BCAR3: variants seen among roughly 807,000 people sequenced by gnomAD.
The protein encoded by BCAR3 is BCAR3 adaptor protein, NSP family member.
A neutral mutation model predicts 80.1 loss-of-function variants in BCAR3; 37 were observed. That is an observed-to-expected ratio of 0.46 (90% CI 0.36 to 0.61). The LOEUF is 0.61. BCAR3 is among the 20% of genes least tolerant of loss of function. BCAR3 has a pLI of 0.00. For synonymous variants in BCAR3, 389 were observed against 418.9 expected, an observed-to-expected ratio of 0.93 and a Z score of 0.87; for missense variants, 978 against 1,068.2, an observed-to-expected ratio of 0.92 and a Z score of 1.18.
chr1:93,774,711 C>T (rs1156280236), intron 2 of BCAR3, among the ~76,000 whole-genome samples: 1 of 152,164 alleles, frequency 6.6e-6, no homozygotes, highest in Non-Finnish European at 1.5e-5. Flanking sequence ...ACTAAGCAGT[C>T]AATGAGGGAA....
intron 2 of BCAR3, among the ~76,000 whole-genome samples, chr1:93,724,241 T>TG (rs1173273168): frequency 6.6e-6 from 1 of 152,152 alleles, no homozygotes; most frequent in African/African-American, 2.4e-5. Context: ...GGGGGGTCCA[T>TG]GTCCAGCCTC....
chr1:93,698,358 C>T (rs1489938825), intron 3 of BCAR3, among the ~76,000 whole-genome samples: 1 of 152,202 alleles, frequency 6.6e-6, no homozygotes, highest in Non-Finnish European at 1.5e-5. Flanking sequence ...ACACTGGTAG[C>T]AGCCATGAGA....
chr1:93,568,333 A>G (rs1319866852), intron 9 of BCAR3, among the ~76,000 whole-genome samples: 1 of 152,212 alleles, frequency 6.6e-6, no homozygotes, highest in African/African-American at 2.4e-5. Flanking sequence ...CATTGCTGTT[A>G]GCGCATCCCA....
intron 2 of BCAR3, among the ~76,000 whole-genome samples, chr1:93,649,093 G>C (rs1338824279): frequency 6.6e-6 from 1 of 152,232 alleles, no homozygotes; most frequent in East Asian, 1.9e-4. Context: ...AGAAGACTGA[G>C]AACAAGGAGA....
In BCAR3 at chr1:93,748,831, G is replaced by A. The variant is rs142603610; in HGVS notation, c.-62-42689C>T. Among the ~76,000 whole-genome samples the A allele has an allele frequency of 1.4e-4, 21 of 152,234 alleles. No homozygotes were observed. In the East Asian group the frequency reaches 3.7e-3, roughly 27 times the overall value. On this transcript the variant is annotated intron_variant, in intron 2 of 13. Transcript: ENST00000370244. ...CTTGTTCATTGTGGACTGTGTGTATGTCTCAGCCCTCCAGCTAGATTGGGG... is the reference window on the plus strand; with the variant it reads ...CTTGTTCATTGTGGACTGTGTGTATATCTCAGCCCTCCAGCTAGATTGGGG...
At position 93,582,470 on chromosome 1, in the gene BCAR3, G is replaced by A. The variant is rs375604944; in HGVS notation, c.1517C>T (p.Thr506Met). ...GGAGGAGACAGTCTCCAGGAGGGGC[G>A]TCACAAACTCGCCCTTGTCCCACTG... ...KGQWDKGEFV[T>M]PLLETVSSFR... Residue 506 changes from threonine (T) to methionine (M), a missense_variant, in exon 7 of 12, where the codon ACG becomes ATG. Physicochemically the swap from Thr to Met is moderately conservative, Grantham distance 81. Coordinates refer to ENST00000260502, the MANE Select transcript of BCAR3 (RefSeq NM_003567.4). 130 of 1,614,062 alleles carry A rather than the reference G, an allele frequency of 8.1e-5. No homozygotes were observed. Among genetic ancestry groups the A allele is most frequent in the South Asian group, 4.6e-4 (42 of 91,088 alleles).
chr1:93,596,352 T>G (rs1674419164), intron 3 of BCAR3, among the ~76,000 whole-genome samples: 1 of 152,242 alleles, frequency 6.6e-6, no homozygotes. Context: ...AGGACATTGT[T>G]CAAATCCACC....
chr1:93,828,271 C>T, intron 2 of BCAR3, among the ~76,000 whole-genome samples: 1 of 151,934 alleles, frequency 6.6e-6, no homozygotes, highest in South Asian at 2.1e-4. Context: ...AACCACTGCC[C>T]TCCAGCCTGG....
chr1:93,730,274 C>A (rs1458708690), intron 2 of BCAR3, among the ~76,000 whole-genome samples: 2 of 152,200 alleles, frequency 1.3e-5, no homozygotes, highest in Non-Finnish European at 1.5e-5. Context: ...CCTTCACTGA[C>A]TCCCCTTACC....
chr1:93,801,384 T>G (rs1469646793), intron 2 of BCAR3, among the ~76,000 whole-genome samples: 1 of 152,248 alleles, frequency 6.6e-6, no homozygotes, highest in Non-Finnish European at 1.5e-5. Context: ...TGGTGCATTT[T>G]GACCACCTTG....
chr1:93,582,709 C>A lies in BCAR3; in HGVS notation c.1278G>T (p.Glu426Asp). Residue 426 changes from glutamate (E) to aspartate (D), a missense_variant, in exon 7 of 12, where the codon GAG (glutamate) becomes GAT (aspartate). Coordinates refer to ENST00000260502, the MANE Select transcript of BCAR3 (RefSeq NM_003567.4). ...CTGGGTTCAGTTCACAGTAGTTGGC[C>A]TCTGAGTTGAGCCAGGCAGAGGGAG... is the stretch of plus-strand genomic sequence containing the variant. Reference protein sequence around the residue: ...PSSPSAWLNSEANYCELNPAF... With the variant: ...PSSPSAWLNSDANYCELNPAF... The A allele has an allele frequency of 3.1e-6, 5 of 1,614,078 alleles. No homozygotes were observed. Among genetic ancestry groups the A allele is most frequent in the Non-Finnish European group, 4.2e-6 (5 of 1,180,018 alleles).
intron 2 of BCAR3, among the ~76,000 whole-genome samples, chr1:93,709,659 G>A (rs959096641): frequency 5.9e-5 from 9 of 152,296 alleles, no homozygotes; most frequent in Non-Finnish European, 7.4e-5. Flanking sequence ...AGGAGGGAGG[G>A]GAATATCTCC....
At chr1:93,677,007 C>T (rs1648517006) in intron 1 of BCAR3, among the ~76,000 whole-genome samples, 1 of 152,206 alleles carries the variant, frequency 6.6e-6, no homozygotes, top group African/African-American at 2.4e-5. Flanking sequence ...TCTCCAATAA[C>T]AAGGGATGTT....
chr1:93,722,096 A>C (rs1293436312), intron 2 of BCAR3, among the ~76,000 whole-genome samples: 1 of 152,188 alleles, frequency 6.6e-6, no homozygotes, highest in East Asian at 1.9e-4. Context: ...GCAGCTCTCC[A>C]CAGTCTCGGC....
At chr1:93,838,053 A>C (rs534487050) in intron 2 of BCAR3, among the ~76,000 whole-genome samples, 1 of 152,340 alleles carries the variant, frequency 6.6e-6, no homozygotes, top group East Asian at 1.9e-4. Context: ...TTGGCCAGCA[A>C]GTAAGATCAT....
chr1:93,569,671 C>T (rs1673127345), intron 9 of BCAR3, among the ~76,000 whole-genome samples: 2 of 152,226 alleles, frequency 1.3e-5, no homozygotes. Context: ...TATGCCACTT[C>T]CTCCTAGGCC....
intron 2 of BCAR3, among the ~76,000 whole-genome samples, chr1:93,671,096 G>A (rs747121033): frequency 1.3e-5 from 2 of 152,098 alleles, no homozygotes; most frequent in African/African-American, 2.4e-5. Context: ...AGGTTCAAGC[G>A]ATTCTCTTGC....
chr1:93,620,407 A>G (rs1675272382), intron 3 of BCAR3, among the ~76,000 whole-genome samples: 1 of 152,200 alleles, frequency 6.6e-6, no homozygotes, highest in Non-Finnish European at 1.5e-5. Flanking sequence ...CAGCAGGTGT[A>G]TCCACAGCAT....
intron 1 of BCAR3, among the ~76,000 whole-genome samples, chr1:93,678,979 A>G (rs1648626383): frequency 6.6e-6 from 1 of 152,118 alleles, no homozygotes; most frequent in Admixed American, 6.5e-5. Flanking sequence ...GTCATTATAT[A>G]CTTCTTATGT....
Sources: gnomAD v4.1 joint callset for allele counts (sites outside exome capture counted in the v4.1 genomes callset) on GRCh38, gnomAD v4.1.1 for gene constraint, MANE v1.5 for transcripts, NCBI Gene and HGNC (gene_info 2026-07-23, HGNC 2026-07-21) for gene names.